Variants in ITPR1 observed in about 807,000 individuals in gnomAD.
ITPR1 encodes inositol 1,4,5-trisphosphate receptor type 1.
ITPR1 carries 96 observed loss-of-function variants against 318.4 expected under a neutral mutation model. The ratio of observed to expected loss-of-function variants is 0.30; its 90% CI spans 0.26 to 0.36. The LOEUF (loss-of-function observed/expected upper bound fraction) is 0.36, where lower values mean the gene tolerates loss of function less well. Ranked by LOEUF, ITPR1 falls within the 10% of genes least tolerant of loss-of-function variation. The pLI is 1.00. For missense variants in ITPR1, 2,440 were observed against 3,460.2 expected (o/e 0.71, Z 7.40); for synonymous variants, 1,312 against 1,289.9 (o/e 1.02, Z -0.37).
intron 2 of ITPR1, among the ~76,000 whole-genome samples, chr3:4,507,498 G>C (rs1323498249): frequency 6.6e-6 from 1 of 152,186 alleles, no homozygotes; most frequent in Non-Finnish European, 1.5e-5. Context: ...ATACTTTTCA[G>C]TTGTTTTTGT....
intron 16 of ITPR1, among the ~76,000 whole-genome samples, chr3:4,663,985 C>A (rs2093892438): frequency 6.6e-6 from 1 of 152,200 alleles, no homozygotes; most frequent in Admixed American, 6.5e-5. Flanking sequence ...CTTGATAGTT[C>A]AGTTCAATTG....
At chr3:4,669,380 G>A (rs2094022357) in intron 18 of ITPR1, among the ~76,000 whole-genome samples, 1 of 152,094 alleles carries the variant, frequency 6.6e-6, no homozygotes, top group Admixed American at 6.5e-5. Flanking sequence ...TTCCTTATGT[G>A]AGCTGCTTTC....
intron 10 of ITPR1, among the ~76,000 whole-genome samples, chr3:4,650,251 T>C (rs1009004252): frequency 6.6e-6 from 1 of 152,238 alleles, no homozygotes; most frequent in Non-Finnish European, 1.5e-5. Flanking sequence ...AGCAGACTTC[T>C]GGGTCATGTA....
intron 39 of ITPR1, among the ~76,000 whole-genome samples, 155 bp from the exon 40 acceptor site, chr3:4,717,212 G>A (rs772595379): frequency 5.9e-5 from 9 of 152,346 alleles, no homozygotes; most frequent in Middle Eastern, 3.4e-3. Flanking sequence ...AGCTCTGGCC[G>A]TGTCCTAAGC....
chr3:4,561,540 T>A (rs1382080553), intron 4 of ITPR1, among the ~76,000 whole-genome samples: 1 of 152,142 alleles, frequency 6.6e-6, no homozygotes, highest in Non-Finnish European at 1.5e-5. Flanking sequence ...AGGTTCAAAC[T>A]TACTTTTTTG....
At chr3:4,685,751 C>T (rs1293192919) in intron 30 of ITPR1, among the ~76,000 whole-genome samples, 2 of 152,138 alleles carry the variant, frequency 1.3e-5, no homozygotes, top group African/African-American at 4.8e-5. Flanking sequence ...GTCATTGATA[C>T]GTATTTGATT....
At chr3:4,585,845 G>T (rs1254353654) in intron 4 of ITPR1, among the ~76,000 whole-genome samples, 1 of 151,792 alleles carries the variant, frequency 6.6e-6, no homozygotes, top group Non-Finnish European at 1.5e-5. Flanking sequence ...AGGTATTCAC[G>T]TGCCATGGTG....
At chr3:4,531,185 TCA>T (rs1440873585) in intron 4 of ITPR1, among the ~76,000 whole-genome samples, 3 of 152,172 alleles carry the variant, frequency 2.0e-5, no homozygotes. Context: ...TTAAGTGAAT[TCA>T]CAGAGTTGGG....
chr3:4,735,528 G>C, intron 44 of ITPR1, 174 bp downstream of exon 44: 1 of 584,342 alleles, frequency 1.7e-6, no homozygotes, highest in Non-Finnish European at 3.0e-6. Context: ...GTGATCATTT[G>C]GTCATAAATC....
Position 4,710,712 on chromosome 3 carries a change from T to C in ITPR1, c.4991+239T>C, listed in dbSNP as rs2041291896. On this transcript the variant is annotated intron_variant, in intron 38 of 61. Transcript: ENST00000649015. The surrounding 1 kb of genome is among the most constrained non-coding windows in gnomAD (Gnocchi z 4.2). ...TTTGGTGAGAAGTTCTTATTTTCACTGCATGCCCATTCATTCATTCATTAC... is the reference window on the plus strand; with the variant it reads ...TTTGGTGAGAAGTTCTTATTTTCACCGCATGCCCATTCATTCATTCATTAC... 6.6e-6 allele frequency among the ~76,000 whole-genome samples: 1 copy of C among 152,206 alleles called. No individual in the cohort carries two copies. Among genetic ancestry groups the C allele is most frequent in the Non-Finnish European group, 1.5e-5 (1 of 68,046 alleles).
intron 4 of ITPR1, among the ~76,000 whole-genome samples, chr3:4,551,661 T>C (rs1057242819): frequency 4.6e-5 from 7 of 152,236 alleles, no homozygotes; most frequent in African/African-American, 1.7e-4. Context: ...ACCCTCACTA[T>C]ATTTACAGCA....
intron 4 of ITPR1, among the ~76,000 whole-genome samples, chr3:4,560,022 T>G (rs1292988803): frequency 6.6e-6 from 1 of 152,196 alleles, no homozygotes; most frequent in Non-Finnish European, 1.5e-5. Context: ...TTGGGTGACT[T>G]GCTTAACCTC....
At chr3:4,756,825 C>A (rs552163381) in intron 44 of ITPR1, among the ~76,000 whole-genome samples, 1 of 152,242 alleles carries the variant, frequency 6.6e-6, no homozygotes, top group Non-Finnish European at 1.5e-5. Context: ...AGTCTTTGGC[C>A]ATTTATGTAA....
chr3:4,829,077 G>A (rs1425613094), intron 60 of ITPR1, among the ~76,000 whole-genome samples: 52 of 152,174 alleles, frequency 3.4e-4, no homozygotes, highest in Admixed American at 3.4e-3. Flanking sequence ...TTTGCATAAT[G>A]CTTTCCAGTT....
rs1331694064 is a variant in ITPR1, at chr3:4,846,670, C to G, written c.*445C>G. On this transcript the variant is annotated 3_prime_UTR_variant, in exon 62 of 62. Coordinates refer to ENST00000649015, the MANE Select transcript of ITPR1 (RefSeq NM_001378452.1). Reference sequence around the variant, plus strand: ...CTTCTTTGAAGCTGGTGTGTTAATACTATGTAATAAATGGTTAACTTTCAA... The same window carrying G: ...CTTCTTTGAAGCTGGTGTGTTAATAGTATGTAATAAATGGTTAACTTTCAA... 6.5e-6 allele frequency: 1 copy of G among 152,874 alleles called. No homozygotes were observed. The highest frequency in any genetic ancestry group is 1.5e-5 in the Non-Finnish European group (1 of 68,230). 9.5% of individuals were successfully genotyped at this position (152,874 alleles called of 1,614,324 possible). A position where few individuals can be genotyped will look rare whatever the true frequency, so the allele number is the denominator to read the frequency against.
At chr3:4,617,741 T>C (rs952822770) in intron 4 of ITPR1, among the ~76,000 whole-genome samples, 7 of 151,992 alleles carry the variant, frequency 4.6e-5, no homozygotes, top group East Asian at 1.9e-4. Flanking sequence ...CCCAGCACTT[T>C]GGGAGGCCAA....
At chr3:4,771,985 G>A (rs1019513259) in intron 46 of ITPR1, among the ~76,000 whole-genome samples, 1 of 152,186 alleles carries the variant, frequency 6.6e-6, no homozygotes, top group African/African-American at 2.4e-5. Context: ...GCAGGGCCCA[G>A]TTAGAAGCCC....
At chr3:4,567,922 G>T (rs373741120) in intron 4 of ITPR1, among the ~76,000 whole-genome samples, 2 of 152,158 alleles carry the variant, frequency 1.3e-5, no homozygotes, top group Non-Finnish European at 2.9e-5. Context: ...GTTCTTAAAG[G>T]TGTGAGAGGT....
Position 4,652,479 on chromosome 3 carries a change from G to A in ITPR1, c.951+261G>A, listed in dbSNP as rs192965932. ...GAAGATCATGCCGATCTAGGTTTTC[G>A]GTATTATTTTCCATTTCGCTTTTAT... On this transcript the variant is annotated intron_variant, in intron 11 of 61. Coordinates refer to ENST00000649015, the MANE Select transcript of ITPR1 (RefSeq NM_001378452.1). Among the ~76,000 whole-genome samples, 354 of 152,194 alleles carry A rather than the reference G, an allele frequency of 2.3e-3. 16 individuals are homozygous for A. The highest frequency in any genetic ancestry group is 0.021 in the Admixed American group (316 of 15,276).
Sources: allele counts gnomAD v4.1 joint callset (sites outside exome capture counted in the v4.1 genomes callset), GRCh38; gene constraint gnomAD v4.1.1; non-coding constraint Gnocchi (gnomAD v3.1); transcripts MANE v1.5; gene names NCBI Gene and HGNC (gene_info 2026-07-23, HGNC 2026-07-21).